Variants in WDPCP observed in about 807,000 individuals in gnomAD.
WDPCP encodes WD repeat-containing and planar cell polarity effector protein fritz homolog.
A neutral mutation model predicts 93.1 loss-of-function variants in WDPCP; 71 were observed. That is an observed-to-expected ratio of 0.76 (90% CI 0.63 to 0.93). WDPCP has a LOEUF of 0.93. Among genes scored for constraint, WDPCP ranks in the 40% least tolerant of loss-of-function variants. The pLI, the probability that WDPCP is intolerant of heterozygous loss-of-function variation, is 0.00. For synonymous variants in WDPCP, 315 were observed against 315.0 expected (o/e 1.00, Z 0.00); for missense variants, 844 against 887.4 (o/e 0.95, Z 0.62).
chr2:63,562,060 T>C (rs1204207680), intron 1 of WDPCP, among the ~76,000 whole-genome samples: 1 of 152,174 alleles, frequency 6.6e-6, no homozygotes, highest in East Asian at 1.9e-4. Context: ...GTTATAAAGA[T>C]ACATGCAAAT....
chr2:63,185,605 A>G (rs548169415), intron 14 of WDPCP, among the ~76,000 whole-genome samples: 75 of 152,284 alleles, frequency 4.9e-4, no homozygotes, highest in African/African-American at 1.8e-3. Flanking sequence ...CTGTGAAGCC[A>G]GGGTTATAGG....
At chr2:63,156,324 G>A (rs1672247147) in intron 15 of WDPCP, among the ~76,000 whole-genome samples, 2 of 151,802 alleles carry the variant, frequency 1.3e-5, no homozygotes, top group Admixed American at 6.6e-5. Flanking sequence ...ATCTTCTTAA[G>A]TTTTTAGCAT....
intron 2 of WDPCP, among the ~76,000 whole-genome samples, chr2:63,720,591 C>T (rs1039391094): frequency 6.6e-6 from 1 of 151,884 alleles, no homozygotes; most frequent in Non-Finnish European, 1.5e-5. Context: ...GATTTTTTTT[C>T]CTACATAGAA....
intron 12 of WDPCP, among the ~76,000 whole-genome samples, chr2:63,321,380 TA>T: frequency 6.8e-6 from 1 of 147,978 alleles, no homozygotes; most frequent in South Asian, 2.2e-4. Context: ...GACATATATA[TA>T]CACTCTGTGT....
chr2:63,524,975 T>C (rs1276267838), intron 1 of WDPCP, among the ~76,000 whole-genome samples: 1 of 152,074 alleles, frequency 6.6e-6, no homozygotes, highest in Non-Finnish European at 1.5e-5. Context: ...TTCACAATAG[T>C]AAAGACAGAG....
chr2:63,144,372 T>C (rs1169418478), intron 17 of WDPCP, among the ~76,000 whole-genome samples: 1 of 152,152 alleles, frequency 6.6e-6, no homozygotes, highest in African/African-American at 2.4e-5. Flanking sequence ...AACCTCCACC[T>C]CCTGGGTTCC....
At chr2:63,465,361 G>T (rs1479147624) in intron 6 of WDPCP, among the ~76,000 whole-genome samples, 1 of 152,034 alleles carries the variant, frequency 6.6e-6, no homozygotes, top group Non-Finnish European at 1.5e-5. Context: ...AAATGGAGCA[G>T]TCTGTGCTTT....
At chr2:63,373,258 T>C (rs1218139691) in intron 12 of WDPCP, among the ~76,000 whole-genome samples, 1 of 150,576 alleles carries the variant, frequency 6.6e-6, no homozygotes, top group Non-Finnish European at 1.5e-5. Context: ...TTTGTTGTTT[T>C]TTTTTTTCTT....
At chr2:63,382,153 G>A (rs966853114) in intron 10 of WDPCP, 59 bp from the exon 11 acceptor site, 69 of 1,525,138 alleles carry the variant, frequency 4.5e-5, no homozygotes, top group Non-Finnish European at 5.5e-5. Context: ...ATAACAAAAA[G>A]AGTTAATTTT....
At chr2:63,484,743 G>A in intron 5 of WDPCP, 80 bp from the exon 6 acceptor site, 1 of 1,577,026 alleles carries the variant, frequency 6.3e-7, no homozygotes, top group Non-Finnish European at 8.7e-7. Context: ...TGATTTGCAA[G>A]CAAAAAAAGA....
chr2:63,777,546 A>C (rs1038620829), intron 2 of WDPCP, among the ~76,000 whole-genome samples: 3 of 152,236 alleles, frequency 2.0e-5, no homozygotes, highest in African/African-American at 7.2e-5. Flanking sequence ...ATGAATAAAC[A>C]AATTGTAGTA....
chr2:63,174,649 C>A, intron 15 of WDPCP, 21 bp downstream of exon 15: 1 of 1,613,404 alleles, frequency 6.2e-7, no homozygotes, highest in East Asian at 2.2e-5. Context: ...GGAGCAATTT[C>A]CTCAGTTCAA....
intron 14 of WDPCP, among the ~76,000 whole-genome samples, chr2:63,227,349 C>A (rs1017884446): frequency 6.6e-6 from 1 of 151,946 alleles, no homozygotes. Context: ...TGATACCATG[C>A]AAAGGTGTTA....
intron 6 of WDPCP, among the ~76,000 whole-genome samples, chr2:63,462,316 C>G (rs1358365223): frequency 6.6e-6 from 1 of 152,038 alleles, no homozygotes; most frequent in Non-Finnish European, 1.5e-5. Flanking sequence ...TGCTTGGACA[C>G]AGGGTGGGGA....
intron 14 of WDPCP, among the ~76,000 whole-genome samples, chr2:63,185,114 A>T (rs1204188565): frequency 6.6e-6 from 1 of 152,186 alleles, no homozygotes; most frequent in African/African-American, 2.4e-5. Flanking sequence ...TTTCTCATTC[A>T]TATCCAGAAT....
intron 12 of WDPCP, among the ~76,000 whole-genome samples, chr2:63,329,695 G>A (rs1298097513): frequency 1.3e-5 from 2 of 151,970 alleles, no homozygotes; most frequent in East Asian, 3.9e-4. Context: ...AAATTTTTCA[G>A]GGCTGACTGA....
intron 1 of WDPCP, among the ~76,000 whole-genome samples, chr2:63,542,312 C>T (rs1704807770): frequency 6.6e-6 from 1 of 152,082 alleles, no homozygotes; most frequent in Admixed American, 6.6e-5. Context: ...GAAAGTATAG[C>T]TCTAAACTAA....
intron 14 of WDPCP, among the ~76,000 whole-genome samples, chr2:63,195,621 CAT>C (rs1270622622): frequency 6.6e-6 from 1 of 151,796 alleles, no homozygotes; most frequent in Non-Finnish European, 1.5e-5. Context: ...CCAGGACAGA[CAT>C]AGATTTTTTC....
chr2:63,604,072 A>C (rs529270072), intron 3 of WDPCP, among the ~76,000 whole-genome samples: 1 of 152,188 alleles, frequency 6.6e-6, no homozygotes, highest in African/African-American at 2.4e-5. Flanking sequence ...CATATGTTAT[A>C]ATTTTAGAGT....
Sources: allele counts gnomAD v4.1 joint callset (sites outside exome capture counted in the v4.1 genomes callset), GRCh38; gene constraint gnomAD v4.1.1; transcripts MANE v1.5; gene names NCBI Gene and HGNC (gene_info 2026-07-23, HGNC 2026-07-21).